The following DRC5 variants were observed in gnomAD, a reference collection of about 807,000 sequenced individuals.
DRC5 encodes the protein T-complex-associated testis-expressed protein 1.
At chr6:44,280,482 CAA>C in the DRC5 span, 1 of 898,888 alleles carries the variant, frequency 1.1e-6, no homozygotes. Flanking sequence ...GTGACTAAAA[CAA>C]AAGTTTCACA....
chr6:44,294,306 T>G, the DRC5 span, among the ~76,000 whole-genome samples: 1 of 152,184 alleles, frequency 6.6e-6, no homozygotes, highest in Non-Finnish European at 1.5e-5. Flanking sequence ...TTTTAAAAAG[T>G]AGAAGTTGTA....
At chr6:44,282,352 G>A in the DRC5 span, 17 of 1,614,210 alleles carry the variant, frequency 1.1e-5, no homozygotes, top group South Asian at 4.4e-5. Context: ...GCCAGGGACT[G>A]GGCACCGGGT....
the DRC5 span, chr6:44,282,488 G>A: frequency 5.9e-5 from 95 of 1,610,112 alleles, no homozygotes; most frequent in Admixed American, 2.5e-4. Flanking sequence ...CGAGGACTGG[G>A]TGGTCCAGAA....
chr6:44,295,018 C>T, the DRC5 span, among the ~76,000 whole-genome samples: 3 of 152,266 alleles, frequency 2.0e-5, no homozygotes, highest in Non-Finnish European at 4.4e-5. Flanking sequence ...CTGGGGGCCC[C>T]GGGCACATGG....
chr6:44,292,838 C>A, the DRC5 span, among the ~76,000 whole-genome samples: 14 of 152,082 alleles, frequency 9.2e-5, no homozygotes, highest in African/African-American at 3.4e-4. Context: ...CCAGCAGAAA[C>A]GATAGATAGA....
the DRC5 span, chr6:44,286,261 G>A: frequency 1.2e-6 from 2 of 1,612,794 alleles, no homozygotes; most frequent in African/African-American, 1.3e-5. Context: ...AATTCCGGCA[G>A]AGCGGCAGCA....
the DRC5 span, among the ~76,000 whole-genome samples, chr6:44,284,750 G>A: frequency 8.3e-4 from 126 of 152,184 alleles, 2 homozygotes; most frequent in South Asian, 0.015. Flanking sequence ...CTAAATATGT[G>A]TTGACTCTCT....
At chr6:44,281,269 C>T in the DRC5 span, among the ~76,000 whole-genome samples, 2 of 152,112 alleles carry the variant, frequency 1.3e-5, no homozygotes, top group Non-Finnish European at 2.9e-5. Context: ...GTTGCAAAGT[C>T]AATTTAATGG....
At chr6:44,281,023 G>C in the DRC5 span, among the ~76,000 whole-genome samples, 1 of 103,642 alleles carries the variant, frequency 9.6e-6, no homozygotes, top group African/African-American at 3.4e-5. Flanking sequence ...TCTAGAAACT[G>C]TGTGTGTGTG....
chr6:44,282,329 T>C, the DRC5 span: 860 of 1,614,200 alleles, frequency 5.3e-4, 4 homozygotes, highest in African/African-American at 0.011. Flanking sequence ...TGGTGTTGTG[T>C]GCCAGAGCGT....
the DRC5 span, chr6:44,288,001 C>CCTG: frequency 1.3e-6 from 1 of 745,714 alleles, no homozygotes; most frequent in South Asian, 2.1e-5. Flanking sequence ...CAGAATAGTG[C>CCTG]TTAACGATCA....
the DRC5 span, among the ~76,000 whole-genome samples, chr6:44,296,211 T>A: frequency 6.6e-6 from 1 of 152,204 alleles, no homozygotes. Context: ...TGCTCCCAAC[T>A]CAGTCATTCA....
chr6:44,293,486 AC>A, the DRC5 span, among the ~76,000 whole-genome samples: 2 of 152,022 alleles, frequency 1.3e-5, no homozygotes, highest in Non-Finnish European at 2.9e-5. Flanking sequence ...CTCTTCAACC[AC>A]CCTATAATGG....
chr6:44,293,306 CAAAAAAAAAAA>C, the DRC5 span, among the ~76,000 whole-genome samples: 2 of 88,880 alleles, frequency 2.3e-5, no homozygotes, highest in African/African-American at 4.5e-5. Flanking sequence ...ACTATCCTCT[CAAAAAAAAAAA>C]AAAAAAAAAA....
the DRC5 span, chr6:44,279,809 G>C: frequency 2.6e-5 from 5 of 192,060 alleles, no homozygotes; most frequent in Non-Finnish European, 5.3e-5. Flanking sequence ...GAAGATCAAG[G>C]ATCTGTTTGG....
the DRC5 span, among the ~76,000 whole-genome samples, chr6:44,289,187 C>T: frequency 6.6e-6 from 1 of 151,154 alleles, no homozygotes; most frequent in Non-Finnish European, 1.5e-5. Flanking sequence ...CAGGCGCCTG[C>T]CACCACCCCC....
chr6:44,287,787 G>A, the DRC5 span: 1 of 1,614,062 alleles, frequency 6.2e-7, no homozygotes, highest in African/African-American at 1.3e-5. Context: ...AGGAGTGGCT[G>A]GGGTCCAACA....
At chr6:44,282,422 G>A in the DRC5 span, 5 of 1,614,050 alleles carry the variant, frequency 3.1e-6, no homozygotes, top group East Asian at 8.9e-5. Context: ...TCAGCAGCTT[G>A]GCAGCACCTC....
At chr6:44,289,017 A>AG in the DRC5 span, among the ~76,000 whole-genome samples, 20 of 139,706 alleles carry the variant, frequency 1.4e-4, no homozygotes, top group Non-Finnish European at 2.6e-4. Context: ...AAAAAAAAAA[A>AG]AAAAAGAAAA....
Sources: allele counts gnomAD v4.1 joint callset (sites outside exome capture counted in the v4.1 genomes callset), GRCh38; gene constraint gnomAD v4.1.1; transcripts MANE v1.5; gene names NCBI Gene and HGNC (gene_info 2026-07-23, HGNC 2026-07-21).